Variants in PLCXD3 observed in about 807,000 individuals in gnomAD.
The protein encoded by PLCXD3 is PI-PLC X domain-containing protein 3.
PLCXD3 carries 19 observed loss-of-function variants against 25.5 expected under a neutral mutation model. The observed-to-expected ratio is 0.75, with a 90% confidence interval of 0.52 to 1.09. The LOEUF (loss-of-function observed/expected upper bound fraction) is 1.09, where lower values mean the gene tolerates loss of function less well. PLCXD3 is among the 50% of genes least tolerant of loss of function. The pLI, the probability that PLCXD3 is intolerant of heterozygous loss-of-function variation, is 0.00. For missense variants in PLCXD3, 411 were observed against 388.1 expected (o/e 1.06, Z -0.50); for synonymous variants, 174 against 137.6 (o/e 1.26, Z -1.85).
At chr5:41,317,103 T>A (rs207465954) in intron 2 of PLCXD3, among the ~76,000 whole-genome samples, 2 of 152,242 alleles carry the variant, frequency 1.3e-5, no homozygotes, top group East Asian at 1.9e-4. Flanking sequence ...ACAGTCATAG[T>A]AGTGGTGGCC....
At chr5:41,470,706 T>C (rs937665870) in intron 1 of PLCXD3, among the ~76,000 whole-genome samples, 1 of 152,126 alleles carries the variant, frequency 6.6e-6, no homozygotes, top group African/African-American at 2.4e-5. Flanking sequence ...GTTCCTTTAA[T>C]GCTAGAAGCT....
chr5:41,413,821 T>A (rs1746624812), intron 1 of PLCXD3, among the ~76,000 whole-genome samples: 1 of 151,606 alleles, frequency 6.6e-6, no homozygotes, highest in African/African-American at 2.4e-5. Flanking sequence ...AACTAGAGTT[T>A]AAAAAAAAAT....
At chr5:41,346,733 A>G (rs1744312563) in intron 2 of PLCXD3, among the ~76,000 whole-genome samples, 3 of 152,206 alleles carry the variant, frequency 2.0e-5, no homozygotes, top group Non-Finnish European at 2.9e-5. Flanking sequence ...AGAATGTCAT[A>G]TGGTTGAACT....
At chr5:41,366,107 G>A (rs998643316) in intron 2 of PLCXD3, among the ~76,000 whole-genome samples, 5 of 151,762 alleles carry the variant, frequency 3.3e-5, no homozygotes, top group African/African-American at 9.7e-5. Flanking sequence ...CCAGCCCCAC[G>A]ACAGGCCCTG....
chr5:41,331,095 G>A (rs1743789739), intron 2 of PLCXD3, among the ~76,000 whole-genome samples: 1 of 152,126 alleles, frequency 6.6e-6, no homozygotes, highest in Non-Finnish European at 1.5e-5. Context: ...GTTCTGGCCA[G>A]GGCAATTAGG....
intron 2 of PLCXD3, among the ~76,000 whole-genome samples, chr5:41,359,755 C>T (rs965982394): frequency 4.6e-5 from 7 of 151,786 alleles, no homozygotes; most frequent in Non-Finnish European, 5.9e-5. Flanking sequence ...TCTTTTCTTA[C>T]GCTGGGTTCT....
chr5:41,400,367 C>T (rs1236356863), intron 1 of PLCXD3, among the ~76,000 whole-genome samples: 4 of 152,026 alleles, frequency 2.6e-5, no homozygotes, highest in African/African-American at 7.2e-5. Context: ...AATCAGTATA[C>T]TGAAGAGTTA....
intron 1 of PLCXD3, among the ~76,000 whole-genome samples, chr5:41,425,888 C>T (rs973592214): frequency 2.0e-5 from 3 of 152,148 alleles, no homozygotes; most frequent in Admixed American, 2.0e-4. Context: ...CAAGTTTGGA[C>T]AACTATGAAT....
chr5:41,448,433 AT>A, intron 1 of PLCXD3, among the ~76,000 whole-genome samples: 1 of 152,238 alleles, frequency 6.6e-6, no homozygotes, highest in Non-Finnish European at 1.5e-5. Context: ...ATTGGTGCCA[AT>A]TAGGTTTTCC....
intron 2 of PLCXD3, among the ~76,000 whole-genome samples, chr5:41,339,047 G>A (rs989812212): frequency 2.6e-5 from 4 of 152,022 alleles, no homozygotes; most frequent in Admixed American, 6.6e-5. Flanking sequence ...TTCCTTCATG[G>A]CTTCTTCTGC....
intron 2 of PLCXD3, among the ~76,000 whole-genome samples, chr5:41,333,339 T>G (rs1743888277): frequency 6.6e-6 from 1 of 152,168 alleles, no homozygotes; most frequent in African/African-American, 2.4e-5. Context: ...TTGTCATTTT[T>G]GAAAGTTTAG....
chr5:41,474,077 A>C (rs903410747), intron 1 of PLCXD3, among the ~76,000 whole-genome samples: 1 of 152,220 alleles, frequency 6.6e-6, no homozygotes. Context: ...GACTGAACAA[A>C]GGGATGAAGG....
At chr5:41,407,500 A>G (rs77757142) in intron 1 of PLCXD3, among the ~76,000 whole-genome samples, 16,100 of 152,176 alleles carry the variant, frequency 0.11, 1,053 homozygotes, top group Admixed American at 0.17. Context: ...TTTGGAGACA[A>G]AGACCAGCCA....
chr5:41,469,031 C>T (rs1465790182), intron 1 of PLCXD3, among the ~76,000 whole-genome samples: 1 of 152,056 alleles, frequency 6.6e-6, no homozygotes, highest in African/African-American at 2.4e-5. Flanking sequence ...TATGGCCTAA[C>T]GGTGTTGAGG....
In PLCXD3 at chr5:41,345,972, T is replaced by A. The variant is rs938917542; in HGVS notation, c.813-32202A>T. On this transcript the variant is annotated intron_variant, in intron 2 of 2. Transcript: ENST00000377801. ...TTGGCTCACTGCAATCTCCACCTAC[T>A]GGGTTCAAGTGATTCTCCTGCCTCA... 2.0e-5 allele frequency among the ~76,000 whole-genome samples: 3 copies of A among 152,078 alleles called. No homozygotes were observed. In the East Asian group the frequency reaches 5.8e-4, roughly 30 times the overall value.
intron 1 of PLCXD3, among the ~76,000 whole-genome samples, chr5:41,409,495 C>T (rs184791885): frequency 6.6e-6 from 1 of 152,298 alleles, no homozygotes; most frequent in African/African-American, 2.4e-5. Context: ...AAATAAACCT[C>T]GTATCTAAAG....
At chr5:41,380,213 T>C (rs987552793) in intron 2 of PLCXD3, among the ~76,000 whole-genome samples, 1 of 152,076 alleles carries the variant, frequency 6.6e-6, no homozygotes, top group African/African-American at 2.4e-5. Context: ...CCTGTGTCTT[T>C]GTTTCCTGAC....
At chr5:41,385,686 C>G (rs1272499769) in intron 1 of PLCXD3, among the ~76,000 whole-genome samples, 1 of 152,056 alleles carries the variant, frequency 6.6e-6, no homozygotes, top group Non-Finnish European at 1.5e-5. Flanking sequence ...TTACATAGGA[C>G]AAACATGATG....
intron 1 of PLCXD3, among the ~76,000 whole-genome samples, chr5:41,426,011 G>A (rs1461633983): frequency 6.6e-6 from 1 of 152,132 alleles, no homozygotes; most frequent in Non-Finnish European, 1.5e-5. Flanking sequence ...AGTATGCTTA[G>A]TTTTGGGAGA....
Sources: allele counts gnomAD v4.1 joint callset (sites outside exome capture counted in the v4.1 genomes callset), GRCh38; gene constraint gnomAD v4.1.1; transcripts MANE v1.5; gene names NCBI Gene and HGNC (gene_info 2026-07-23, HGNC 2026-07-21).